The following ANO6 variants were observed in gnomAD, a reference collection of about 807,000 sequenced individuals.
ANO6 encodes anoctamin 6, also known as anoctamin-6.
ANO6 carries 106 observed loss-of-function variants against 117.5 expected under a neutral mutation model. That is an observed-to-expected ratio of 0.90 (90% CI 0.77 to 1.06). ANO6 has a LOEUF of 1.06. Ranked by LOEUF, ANO6 falls within the 50% of genes least tolerant of loss-of-function variation. ANO6 has a pLI of 0.00. For synonymous variants in ANO6, 367 were observed against 385.1 expected (o/e 0.95, Z 0.55); for missense variants, 955 against 1,121.1 (o/e 0.85, Z 2.12).
At chr12:45,401,568 T>C (rs867712163) in intron 12 of ANO6, among the ~76,000 whole-genome samples, 1 of 152,170 alleles carries the variant, frequency 6.6e-6, no homozygotes. Context: ...ACCCAGTTTC[T>C]CCTCTAGTTA....
rs1943591022 is a variant in ANO6, at chr12:45,429,730, C to G, written c.*419C>G. The G allele has an allele frequency of 1.9e-6, 2 of 1,049,888 alleles. No homozygotes were observed. Among genetic ancestry groups the G allele is most frequent in the South Asian group, 3.3e-5 (1 of 30,702 alleles). The allele number at this position is 1,049,888 out of a possible 1,614,324, so 65.0% of individuals were successfully genotyped here. A position where few individuals can be genotyped will look rare whatever the true frequency, so the allele number is the denominator to read the frequency against. ...CACTTGGCTAGATCTGTTCCAGGGT[C>G]ATCTTTTCCTTACAGTACCATCATT... On this transcript the variant is annotated 3_prime_UTR_variant, in exon 20 of 20. Transcript: ENST00000320560.
In ANO6 at chr12:45,248,367, T is replaced by G. The variant is rs758715628; in HGVS notation, c.70+31976T>G. Among the ~76,000 whole-genome samples the G allele has an allele frequency of 4.7e-4, 71 of 152,012 alleles. 1 individual carries two copies. The highest frequency in any genetic ancestry group is 8.8e-4 in the Non-Finnish European group (60 of 68,028). The stretch of plus-strand genomic sequence containing the variant: ...TGCCAAGTAGCACAGCTGAATTTTC[T>G]TCTGTGTGCATAAGGACAACAGATG... On this transcript the variant is annotated intron_variant, in intron 1 of 19. Coordinates refer to ENST00000320560, the MANE Select transcript of ANO6 (RefSeq NM_001025356.3).
chr12:45,296,739 T>C (rs1028921931), intron 1 of ANO6, among the ~76,000 whole-genome samples: 4 of 152,214 alleles, frequency 2.6e-5, no homozygotes, highest in African/African-American at 9.6e-5. Context: ...AGGTTTAGAT[T>C]CCCATTGTGT....
rs12320559 is a variant in ANO6, at chr12:45,222,432, C to T, written c.70+6041C>T. 7.5e-3 allele frequency among the ~76,000 whole-genome samples: 1,139 copies of T among 152,192 alleles called. 17 individuals are homozygous for T. The highest frequency in any genetic ancestry group is 0.026 in the African/African-American group (1,073 of 41,526). ...TGCCTCGGCCTCCCAAAGTGCTGAG[C>T]AGGCGTGAGCCACCATGCCTGGCCA... On this transcript the variant is annotated intron_variant, in intron 1 of 19. Coordinates refer to ENST00000320560, the MANE Select transcript of ANO6 (RefSeq NM_001025356.3).
At chr12:45,241,851 C>T (rs1019580593) in intron 1 of ANO6, among the ~76,000 whole-genome samples, 6 of 152,218 alleles carry the variant, frequency 3.9e-5, no homozygotes, top group African/African-American at 1.4e-4. Context: ...CCACTCCAGA[C>T]CCTGTTTGCC....
chr12:45,320,928 C>G (rs143129992), intron 2 of ANO6, among the ~76,000 whole-genome samples: 2,477 of 152,246 alleles, frequency 0.016, 240 homozygotes, highest in Admixed American at 0.14. Context: ...TTATCAGAGA[C>G]TAGGATTGCA....
intron 3 of ANO6, among the ~76,000 whole-genome samples, chr12:45,340,280 C>T (rs530523103): frequency 6.6e-6 from 1 of 152,220 alleles, no homozygotes; most frequent in Admixed American, 6.5e-5. Context: ...TGGAGTGTGG[C>T]AGGTGCTTTT....
intron 1 of ANO6, among the ~76,000 whole-genome samples, chr12:45,254,593 A>G (rs1937744976): frequency 6.6e-6 from 1 of 152,226 alleles, no homozygotes; most frequent in Non-Finnish European, 1.5e-5. Context: ...AAAATCAGTT[A>G]AGTACAGTTT....
intron 1 of ANO6, among the ~76,000 whole-genome samples, chr12:45,244,719 C>G (rs1451819691): frequency 6.6e-6 from 1 of 152,150 alleles, no homozygotes; most frequent in Non-Finnish European, 1.5e-5. Context: ...CTGTCATCAT[C>G]AGTTCCCATA....
At chr12:45,363,330 T>C (rs182144370) in intron 8 of ANO6, among the ~76,000 whole-genome samples, 1 of 152,230 alleles carries the variant, frequency 6.6e-6, no homozygotes, top group African/African-American at 2.4e-5. Context: ...TTTGGGAGGC[T>C]GAGGGTGGCA....
chr12:45,429,062 T>G, intron 19 of ANO6, 43 bp from the exon 20 acceptor site: 2 of 1,604,716 alleles, frequency 1.2e-6, no homozygotes, highest in Non-Finnish European at 1.7e-6. Flanking sequence ...GGTGTTCTCC[T>G]CCATTTCTTT....
intron 1 of ANO6, among the ~76,000 whole-genome samples, chr12:45,230,837 A>T (rs996447341): frequency 1.3e-5 from 2 of 152,186 alleles, no homozygotes; most frequent in Non-Finnish European, 2.9e-5. Flanking sequence ...ACTTATTTCA[A>T]TGGTTATTTT....
At chr12:45,271,052 C>G (rs1440597964) in intron 1 of ANO6, among the ~76,000 whole-genome samples, 1 of 152,188 alleles carries the variant, frequency 6.6e-6, no homozygotes, top group African/African-American at 2.4e-5. Flanking sequence ...CTATGGCTCA[C>G]TGTACTATGG....
intron 12 of ANO6, among the ~76,000 whole-genome samples, chr12:45,395,493 A>C (rs1288958345): frequency 6.7e-6 from 1 of 149,432 alleles, no homozygotes; most frequent in African/African-American, 2.6e-5. Context: ...TCATTTTATG[A>C]GGCCAGCATC....
chr12:45,429,111 A>T lies in ANO6; in HGVS notation c.2533A>T (p.Ile845Phe). ...LAFIIVMEHV[I>F]YSVKFFISYA... ...TTCTTCTTCTCTTCCCCAGCACGTCATCTACTCTGTGAAATTTTTCATTTC... is the reference window on the plus strand; with the variant it reads ...TTCTTCTTCTCTTCCCCAGCACGTCTTCTACTCTGTGAAATTTTTCATTTC... The change falls in exon 20 of 20, where the codon ATC (isoleucine) becomes TTC (phenylalanine). Residue 845 changes from isoleucine to phenylalanine, a missense_variant. Physicochemically the swap from Ile to Phe is conservative, Grantham distance 21. Transcript: ENST00000320560. The T allele has an allele frequency of 1.2e-6, 2 of 1,613,484 alleles. No individual in the cohort carries two copies. Among genetic ancestry groups the T allele is most frequent in the Non-Finnish European group, 1.7e-6 (2 of 1,179,840 alleles).
chr12:45,389,396 G>T (rs1331980756), intron 11 of ANO6, among the ~76,000 whole-genome samples: 1 of 152,160 alleles, frequency 6.6e-6, no homozygotes. Context: ...AAAATTAGAT[G>T]TTTATGAAGT....
chr12:45,408,619 C>G (rs1435686444), intron 15 of ANO6, among the ~76,000 whole-genome samples: 3 of 152,192 alleles, frequency 2.0e-5, no homozygotes, highest in African/African-American at 7.2e-5. Flanking sequence ...TTAAATGATT[C>G]AGCTTAAAAT....
intron 1 of ANO6, among the ~76,000 whole-genome samples, chr12:45,234,991 T>A (rs528203821): frequency 1.3e-5 from 2 of 152,254 alleles, no homozygotes; most frequent in South Asian, 4.2e-4. Context: ...AGTCCAGCAG[T>A]AACCTTTCAG....
intron 19 of ANO6, among the ~76,000 whole-genome samples, chr12:45,426,322 C>T (rs995609730): frequency 3.9e-5 from 6 of 152,130 alleles, no homozygotes; most frequent in African/African-American, 1.2e-4. Context: ...CAACCTTTGT[C>T]GCTTTACTAT....
Sources: gnomAD v4.1 joint callset for allele counts (sites outside exome capture counted in the v4.1 genomes callset) on GRCh38, gnomAD v4.1.1 for gene constraint, MANE v1.5 for transcripts, NCBI Gene and HGNC (gene_info 2026-07-23, HGNC 2026-07-21) for gene names.